RBFOX1: variants seen among roughly 807,000 people sequenced by gnomAD.
RBFOX1 encodes RNA binding protein fox-1 homolog 1.
In RBFOX1, 8 loss-of-function variants were observed where a neutral mutation model predicts 57.7. The observed-to-expected ratio is 0.14, with a 90% confidence interval of 0.08 to 0.25. The LOEUF (loss-of-function observed/expected upper bound fraction) is 0.25. Ranked by LOEUF, RBFOX1 falls within the 10% of genes least tolerant of loss-of-function variation. RBFOX1 has a pLI of 1.00. For synonymous variants in RBFOX1, 326 were observed against 222.4 expected, an observed-to-expected ratio of 1.47 and a Z score of -4.15; for missense variants, 611 against 548.5, an observed-to-expected ratio of 1.11 and a Z score of -1.14.
At chr16:6,645,982 C>T (rs933394292) in intron 2 of RBFOX1, among the ~76,000 whole-genome samples, 1 of 152,116 alleles carries the variant, frequency 6.6e-6, no homozygotes, top group Non-Finnish European at 1.5e-5. Context: ...CATCTGTCGC[C>T]AGCAAGTGAG....
At chr16:5,887,402 T>C (rs946769581) in intron 4 of RBFOX1, among the ~76,000 whole-genome samples, 2 of 152,076 alleles carry the variant, frequency 1.3e-5, no homozygotes, top group African/African-American at 4.8e-5. Context: ...TCCTGTGTTA[T>C]TTGTTTGTTT....
At chr16:5,896,897 A>G (rs1257645683) in intron 4 of RBFOX1, among the ~76,000 whole-genome samples, 1 of 151,892 alleles carries the variant, frequency 6.6e-6, no homozygotes. Context: ...TCTGCTTTTG[A>G]GCAGCTGCCA....
At chr16:7,297,660 G>C (rs1040624065) in intron 4 of RBFOX1, among the ~76,000 whole-genome samples, 1 of 152,082 alleles carries the variant, frequency 6.6e-6, no homozygotes, top group Non-Finnish European at 1.5e-5. Flanking sequence ...CTTTAGGAAC[G>C]TGTAGCCTGG....
intron 4 of RBFOX1, among the ~76,000 whole-genome samples, chr16:5,995,958 G>A (rs113774852): frequency 6.6e-6 from 1 of 152,146 alleles, no homozygotes; most frequent in African/African-American, 2.4e-5. Context: ...TATGTGGTGA[G>A]GGCCCATGTT....
At chr16:6,459,296 A>G (rs959145824) in intron 2 of RBFOX1, among the ~76,000 whole-genome samples, 1 of 152,182 alleles carries the variant, frequency 6.6e-6, no homozygotes, top group African/African-American at 2.4e-5. Context: ...AGATGGCGCC[A>G]CTGCACTCCA....
At chr16:6,710,947 A>G (rs1045426332) in intron 3 of RBFOX1, among the ~76,000 whole-genome samples, 1 of 152,222 alleles carries the variant, frequency 6.6e-6, no homozygotes, top group Non-Finnish European at 1.5e-5. Flanking sequence ...CATGAAGGCT[A>G]CATGTAACGG....
At chr16:6,707,478 G>GCTT (rs1555714672) in intron 3 of RBFOX1, among the ~76,000 whole-genome samples, 2 of 128,310 alleles carry the variant, frequency 1.6e-5, no homozygotes, top group Non-Finnish European at 3.2e-5. Flanking sequence ...TCCCATTTTT[G>GCTT]TTTTTTTTTT....
intron 3 of RBFOX1, among the ~76,000 whole-genome samples, chr16:6,900,440 A>C (rs1376947547): frequency 6.6e-6 from 1 of 152,158 alleles, no homozygotes; most frequent in East Asian, 1.9e-4. Flanking sequence ...CTGCTCTCCC[A>C]CTTAAAACTG....
chr16:7,579,736 G>A, intron 5 of RBFOX1, 41 bp from the exon 6 acceptor site: 1 of 1,612,692 alleles, frequency 6.2e-7, no homozygotes, highest in South Asian at 1.1e-5. Context: ...AGAGCACTGT[G>A]GTCCACTGAG....
At chr16:6,266,601 C>G (rs2074527637) in intron 1 of RBFOX1, among the ~76,000 whole-genome samples, 1 of 151,986 alleles carries the variant, frequency 6.6e-6, no homozygotes, top group Admixed American at 6.6e-5. Flanking sequence ...GTAATCCCAG[C>G]TACTCAGGGG....
At chr16:6,857,688 C>T (rs539290297) in intron 3 of RBFOX1, among the ~76,000 whole-genome samples, 43 of 152,288 alleles carry the variant, frequency 2.8e-4, no homozygotes, top group Non-Finnish European at 1.0e-4. Context: ...TAGCAGCTAA[C>T]GGAGTGTATC....
chr16:5,581,291 T>C (rs2046657113), intron 2 of RBFOX1, among the ~76,000 whole-genome samples: 3 of 152,346 alleles, frequency 2.0e-5, no homozygotes, highest in Non-Finnish European at 4.4e-5. Flanking sequence ...GAATAGACTT[T>C]GGGCGGAGAC....
intron 4 of RBFOX1, among the ~76,000 whole-genome samples, chr16:7,356,756 A>G (rs1378039892): frequency 6.6e-6 from 1 of 152,278 alleles, no homozygotes; most frequent in Non-Finnish European, 1.5e-5. Flanking sequence ...TTCTTAAAAC[A>G]GGGACACTCT....
At position 5,947,165 on chromosome 16, in the gene RBFOX1, G is replaced by T. The variant is rs754316430; in HGVS notation, c.351+79830G>T. On this transcript the variant is annotated intron_variant, in intron 4 of 19. Transcript: ENST00000641259. This position sits in a 1 kb window ranked among gnomAD's most constrained non-coding sequence, Gnocchi z 7.2. Reference sequence around the variant, plus strand: ...CAGGAGGTTGAGGTTGCAGCGAGCCGTGATTCTGCCACTGCTCTCCAGCCT... The same window carrying T: ...CAGGAGGTTGAGGTTGCAGCGAGCCTTGATTCTGCCACTGCTCTCCAGCCT... Among the ~76,000 whole-genome samples the T allele has an allele frequency of 2.0e-5, 3 of 152,132 alleles. No homozygotes were observed. The highest frequency in any genetic ancestry group is 7.2e-5 in the African/African-American group (3 of 41,422).
intron 2 of RBFOX1, among the ~76,000 whole-genome samples, chr16:5,480,379 T>TAAA (rs61654524): frequency 6.7e-6 from 1 of 148,772 alleles, no homozygotes; most frequent in Admixed American, 6.7e-5. Flanking sequence ...ATAGATTATT[T>TAAA]AAAAAAAAAA....
In RBFOX1 at chr16:6,708,287, A is replaced by AACACACACAC. The variant is rs138742593; in HGVS notation, c.-16+53646_-16+53655dup. On this transcript the variant is annotated intron_variant, in intron 3 of 15. Coordinates refer to ENST00000550418, the MANE Select transcript of RBFOX1 (RefSeq NM_018723.4). ...CTAGGATAGTCCCAAAGCATTTTTGAACACACACACACACACACTCACACT... is the reference window on the plus strand; with the variant it reads ...CTAGGATAGTCCCAAAGCATTTTTGAACACACACACACACACACACACACACACTCACACT... Among the ~76,000 whole-genome samples the AACACACACAC allele has an allele frequency of 1.0e-3, 145 of 143,116 alleles. 1 individual carries two copies. Among genetic ancestry groups the AACACACACAC allele is most frequent in the African/African-American group, 3.1e-3 (128 of 40,718 alleles). 93.9% of individuals were successfully genotyped at this position (143,116 alleles called of 152,430 possible).
In RBFOX1 at chr16:6,921,631, A is replaced by G. The variant is rs1193701808; in HGVS notation, c.-15-130426A>G. 8.5e-5 allele frequency among the ~76,000 whole-genome samples: 7 copies of G among 82,278 alleles called. No individual in the cohort carries two copies. The East Asian group carries it at 1.9e-3, about 22-fold the overall frequency. 54.0% of individuals were successfully genotyped at this position (82,278 alleles called of 152,430 possible). A position where few individuals can be genotyped will look rare whatever the true frequency, so the allele number is the denominator to read the frequency against. On this transcript the variant is annotated intron_variant, in intron 3 of 15. Transcript: ENST00000550418. ...TGTATATACATAAATTACTGTATAT[A>G]TATATATATATATATTTTTTTTTTT...
chr16:6,722,934 G>A (rs2066323631), intron 3 of RBFOX1, among the ~76,000 whole-genome samples: 1 of 152,168 alleles, frequency 6.6e-6, no homozygotes, highest in Non-Finnish European at 1.5e-5. Flanking sequence ...GGACTAGGGG[G>A]CCCTCTGCTT....
At chr16:7,455,537 A>G (rs2058323796) in intron 4 of RBFOX1, among the ~76,000 whole-genome samples, 1 of 152,076 alleles carries the variant, frequency 6.6e-6, no homozygotes, top group African/African-American at 2.4e-5. Flanking sequence ...CATGCCTGTA[A>G]TCCTAGCACA....
Sources: gnomAD v4.1 joint callset for allele counts (sites outside exome capture counted in the v4.1 genomes callset) on GRCh38, gnomAD v4.1.1 for gene constraint, Gnocchi (gnomAD v3.1) non-coding constraint, MANE v1.5 for transcripts, NCBI Gene and HGNC (gene_info 2026-07-23, HGNC 2026-07-21) for gene names.